The following PSMB2 variants were observed in gnomAD, a reference collection of about 807,000 sequenced individuals.
The protein encoded by PSMB2 is proteasome subunit beta type-2.
PSMB2 carries 13 observed loss-of-function variants against 25.7 expected under a neutral mutation model. The observed-to-expected ratio is 0.51, with a 90% CI of 0.33 to 0.80. PSMB2 has a LOEUF of 0.80. Among genes scored for constraint, PSMB2 ranks in the 30% least tolerant of loss-of-function variants. The pLI, the probability that PSMB2 is intolerant of heterozygous loss-of-function variation, is 0.02. For synonymous variants in PSMB2, 87 were observed against 96.2 expected, an observed-to-expected ratio of 0.90 and a Z score of 0.56; for missense variants, 202 against 259.0, an observed-to-expected ratio of 0.78 and a Z score of 1.51.
Position 35,609,215 on chromosome 1 carries a change from AC to A in PSMB2, c.448+30del, listed in dbSNP as rs60361957. 2.2e-3 allele frequency: 3,299 copies of A among 1,511,004 alleles called. 68 individuals are homozygous for A. In the African/African-American group the frequency reaches 0.041, roughly 19 times the overall value. The allele number at this position is 1,511,004 out of a possible 1,614,324, so 93.6% of individuals were successfully genotyped here. On this transcript the variant is annotated intron_variant, in intron 4 of 5. Transcript: ENST00000373237. ...AAGCAGCTGAGGGCAGGGCTCTGCC[AC>A]TGCTCCCTCCCTAGAGTATTAATAC...
intron 5 of PSMB2, among the ~76,000 whole-genome samples, chr1:35,603,846 C>A (rs1480262203): frequency 6.6e-6 from 1 of 151,960 alleles, no homozygotes; most frequent in South Asian, 2.1e-4. Flanking sequence ...TCAAGACCAG[C>A]CTAGGTAACA....
intron 2 of PSMB2, among the ~76,000 whole-genome samples, chr1:35,635,839 A>G (rs1221374226): frequency 6.6e-6 from 1 of 151,370 alleles, no homozygotes; most frequent in Non-Finnish European, 1.5e-5. Context: ...AAAAAAAAAA[A>G]AAAAAAAAAA....
intron 2 of PSMB2, among the ~76,000 whole-genome samples, chr1:35,635,867 A>G (rs986996852): frequency 1.3e-5 from 2 of 151,504 alleles, no homozygotes; most frequent in African/African-American, 2.4e-5. Context: ...ATATGACCAC[A>G]TAAGTCTTAA....
chr1:35,625,399 T>C (rs540506784), intron 3 of PSMB2, among the ~76,000 whole-genome samples: 13 of 152,300 alleles, frequency 8.5e-5, no homozygotes, highest in African/African-American at 3.1e-4. Context: ...CCTGTCTCTC[T>C]ATCTGTTAAA....
intron 2 of PSMB2, among the ~76,000 whole-genome samples, chr1:35,633,670 G>GA (rs1264494158): frequency 9.2e-5 from 14 of 151,888 alleles, no homozygotes; most frequent in Admixed American, 4.6e-4. Flanking sequence ...GGAACCACTG[G>GA]AAAAAAAAGC....
intron 3 of PSMB2, among the ~76,000 whole-genome samples, chr1:35,626,072 A>C (rs1650851373): frequency 6.6e-6 from 1 of 152,132 alleles, no homozygotes; most frequent in Non-Finnish European, 1.5e-5. Context: ...TCCTGGGCTC[A>C]ACTGATCTGT....
intron 4 of PSMB2, among the ~76,000 whole-genome samples, chr1:35,607,452 T>C (rs182002667): frequency 7.2e-5 from 11 of 152,214 alleles, no homozygotes; most frequent in Non-Finnish European, 1.2e-4. Context: ...ATCACAGAAA[T>C]GCAAATCAAA....
chr1:35,606,971 A>G (rs1317271463), intron 4 of PSMB2, among the ~76,000 whole-genome samples: 1 of 152,192 alleles, frequency 6.6e-6, no homozygotes, highest in Non-Finnish European at 1.5e-5. Flanking sequence ...CTCTTCAATA[A>G]ATGGTGCTAG....
At position 35,601,929 on chromosome 1, in the gene PSMB2, A is replaced by G. The variant is rs1382441510; in HGVS notation, c.*1338T>C. 2.3e-5 allele frequency: 23 copies of G among 982,702 alleles called. No homozygotes were observed. The highest frequency in any genetic ancestry group is 2.8e-5 in the Non-Finnish European group (23 of 827,510). The allele number at this position is 982,702 out of a possible 1,614,324, so 60.9% of individuals were successfully genotyped here. A position where few individuals can be genotyped will look rare whatever the true frequency, so the allele number is the denominator to read the frequency against. Reference sequence around the variant, plus strand: ...CTGGTTAACTGCCCATGATACATCAATTTAATGGAAAATTATGCAACTGTC... The same window carrying G: ...CTGGTTAACTGCCCATGATACATCAGTTTAATGGAAAATTATGCAACTGTC... On this transcript the variant is annotated 3_prime_UTR_variant, in exon 6 of 6. Transcript: ENST00000373237.
intron 2 of PSMB2, among the ~76,000 whole-genome samples, chr1:35,631,986 A>C (rs569939): frequency 1 from 151,939 of 152,222 alleles, 75,832 homozygotes; most frequent in Middle Eastern, 1. Context: ...CCACTGCACT[A>C]CAGCATGGGT....
chr1:35,608,435 A>G (rs1279209189), intron 4 of PSMB2, among the ~76,000 whole-genome samples: 1 of 152,140 alleles, frequency 6.6e-6, no homozygotes, highest in Non-Finnish European at 1.5e-5. Context: ...ACCACTGTAA[A>G]ATTACTATGG....
At chr1:35,603,700 G>A (rs1034701861) in intron 5 of PSMB2, among the ~76,000 whole-genome samples, 1 of 152,198 alleles carries the variant, frequency 6.6e-6, no homozygotes, top group African/African-American at 2.4e-5. Context: ...GGTAAACACA[G>A]ACGTCTCTCT....
chr1:35,638,201 G>A (rs1651298427), intron 1 of PSMB2, among the ~76,000 whole-genome samples: 1 of 152,170 alleles, frequency 6.6e-6, no homozygotes, highest in African/African-American at 2.4e-5. Flanking sequence ...TATGTCCAAT[G>A]AGTAGCAGAG....
chr1:35,607,938 A>G (rs953733605), intron 4 of PSMB2, among the ~76,000 whole-genome samples: 2 of 152,248 alleles, frequency 1.3e-5, no homozygotes, highest in Non-Finnish European at 2.9e-5. Context: ...TAAGCCAAGA[A>G]CAAAGTTAAA....
At chr1:35,622,612 A>G (rs1220076548) in intron 3 of PSMB2, among the ~76,000 whole-genome samples, 1 of 152,114 alleles carries the variant, frequency 6.6e-6, no homozygotes, top group Non-Finnish European at 1.5e-5. Context: ...GCCATCCAAT[A>G]GGCTTATTCC....
At chr1:35,628,616 TATATATATATA>T (rs1203211240) in intron 3 of PSMB2, among the ~76,000 whole-genome samples, 1 of 53,108 alleles carries the variant, frequency 1.9e-5, no homozygotes, top group African/African-American at 7.7e-5. Context: ...TATATATATA[TATATATATATA>T]TATATTTTTT....
rs753023943 is a variant in PSMB2, at chr1:35,603,245, A to G, written c.*22T>C. 5.6e-6 allele frequency: 9 copies of G among 1,602,144 alleles called. No homozygotes were observed. The highest frequency in any genetic ancestry group is 7.6e-6 in the Non-Finnish European group (9 of 1,176,978). ...GCCCATCAAAAAAAAGTTCCCTGGCAAGTGGGAGGGAGGACATGATGTTAG... is the reference window on the plus strand; with the variant it reads ...GCCCATCAAAAAAAAGTTCCCTGGCGAGTGGGAGGGAGGACATGATGTTAG... On this transcript the variant is annotated 3_prime_UTR_variant, in exon 6 of 6. Transcript: ENST00000373237.
chr1:35,625,686 C>T (rs1170728307), intron 3 of PSMB2, among the ~76,000 whole-genome samples: 3 of 150,710 alleles, frequency 2.0e-5, no homozygotes, highest in Admixed American at 1.3e-4. Context: ...GGCATGAACC[C>T]GGGAGGTGGA....
intron 5 of PSMB2, 26 bp downstream of exon 5, chr1:35,605,207 T>C: frequency 6.3e-7 from 1 of 1,588,812 alleles, no homozygotes; most frequent in Non-Finnish European, 8.6e-7. Context: ...AAACATTCCT[T>C]TCAGGATCCT....
Sources: allele counts gnomAD v4.1 joint callset (sites outside exome capture counted in the v4.1 genomes callset), GRCh38; gene constraint gnomAD v4.1.1; transcripts MANE v1.5; gene names NCBI Gene and HGNC (gene_info 2026-07-23, HGNC 2026-07-21).